The following SCARB2 variants were observed in gnomAD, a reference collection of about 807,000 sequenced individuals.
SCARB2 encodes the protein scavenger receptor class B member 2, also known as lysosome membrane protein 2.
Under a neutral mutation model 58.6 loss-of-function variants are expected in SCARB2, and 29 were observed. The observed-to-expected ratio is 0.49, with a 90% confidence interval of 0.37 to 0.67. The LOEUF is 0.67. SCARB2 is among the 30% of genes least tolerant of loss of function. The pLI, the probability that SCARB2 is intolerant of heterozygous loss-of-function variation, is 0.00. For missense variants in SCARB2, 488 were observed against 578.5 expected (o/e 0.84, Z 1.60); for synonymous variants, 195 against 210.1 (o/e 0.93, Z 0.62).
intron 4 of SCARB2, 43 bp downstream of exon 4, chr4:76,179,474 T>C (rs748892779): frequency 6.7e-5 from 96 of 1,436,026 alleles, no homozygotes; most frequent in Admixed American, 2.0e-4. Context: ...CCCAACCCAC[T>C]GTCAGCTAAA....
chr4:76,210,486 C>T (rs1733022691), intron 1 of SCARB2, among the ~76,000 whole-genome samples: 1 of 152,206 alleles, frequency 6.6e-6, no homozygotes, highest in Non-Finnish European at 1.5e-5. Context: ...TCCTGCCTTT[C>T]CAGGCCTAAG....
chr4:76,176,197 G>A, intron 5 of SCARB2: 1 of 601,872 alleles, frequency 1.7e-6, no homozygotes, highest in South Asian at 2.0e-5. Flanking sequence ...GCAAGAGTGG[G>A]ACTTTTCACT....
intron 1 of SCARB2, among the ~76,000 whole-genome samples, chr4:76,200,402 A>AGG (rs1732806345): frequency 6.6e-6 from 1 of 152,248 alleles, no homozygotes; most frequent in African/African-American, 2.4e-5. Flanking sequence ...CACTACCACT[A>AGG]AAACAAAATA....
intron 6 of SCARB2, chr4:76,175,073 G>GT (rs111861987): frequency 0.22 from 34,017 of 152,418 alleles, 4,631 homozygotes; most frequent in African/African-American, 0.39. Flanking sequence ...TCGCAAGGTT[G>GT]TGAATAACAT....
At chr4:76,163,933 A>G (rs1731949384) in intron 10 of SCARB2, 1 of 158,490 alleles carries the variant, frequency 6.3e-6, no homozygotes, top group Admixed American at 6.1e-5. Flanking sequence ...GGCTGATTAA[A>G]TGAATAAATA....
intron 1 of SCARB2, among the ~76,000 whole-genome samples, chr4:76,219,959 A>G (rs1422543873): frequency 6.6e-6 from 1 of 152,212 alleles, no homozygotes; most frequent in Non-Finnish European, 1.5e-5. Context: ...TTCATAAATA[A>G]ATACTGTTTC....
chr4:76,204,457 G>C (rs916785467), intron 1 of SCARB2, among the ~76,000 whole-genome samples: 3 of 152,086 alleles, frequency 2.0e-5, no homozygotes, highest in African/African-American at 7.2e-5. Flanking sequence ...ATTACATACA[G>C]GACAATATGG....
intron 4 of SCARB2, chr4:76,177,021 CT>C (rs80216071): frequency 0.22 from 34,183 of 152,772 alleles, 4,701 homozygotes; most frequent in African/African-American, 0.39. Flanking sequence ...TCTGGCAACC[CT>C]AACTGATACA....
rs2109948665 is a variant in SCARB2 at position 76,181,005 on chromosome 4, A to C, written c.372T>G (p.Ser124=). ...NKAYVFERDQ[S]VGDPKIDLIR... is the part of the protein sequence containing the mutation. ...TTAAGTCAATTTTAGGGTCTCCAAC[A>C]GATTGGTCTCGTTCAAAAACATAGG... The change falls in exon 3 of 12, where the codon TCT becomes TCG. Residue 124 remains serine, a synonymous_variant. Transcript: ENST00000264896. 1 of 1,613,760 alleles carries C rather than the reference A, an allele frequency of 6.2e-7. No homozygotes were observed. The highest frequency in any genetic ancestry group is 8.5e-7 in the Non-Finnish European group (1 of 1,179,844).
intron 2 of SCARB2, chr4:76,194,835 A>G (rs1732678559): frequency 6.6e-6 from 1 of 152,116 alleles, no homozygotes; most frequent in South Asian, 2.1e-4. Context: ...GTCTCCCTCT[A>G]CTAATCGTTT....
At chr4:76,165,129 C>T (rs1731975310) in intron 10 of SCARB2, 1 of 152,152 alleles carries the variant, frequency 6.6e-6, no homozygotes, top group South Asian at 2.1e-4. Flanking sequence ...CAGAAAAGGG[C>T]CCTTCTGCAT....
At chr4:76,197,074 G>C (rs1476946013) in intron 1 of SCARB2, among the ~76,000 whole-genome samples, 1 of 152,188 alleles carries the variant, frequency 6.6e-6, no homozygotes, top group Non-Finnish European at 1.5e-5. Flanking sequence ...TACAAGCCAA[G>C]AAGACAGGCC....
intron 6 of SCARB2, 128 bp from the exon 7 acceptor site, chr4:76,174,441 G>T (rs1180801536): frequency 3.8e-6 from 3 of 786,484 alleles, no homozygotes; most frequent in Non-Finnish European, 6.6e-6. Flanking sequence ...AGAAAGGAAT[G>T]TTTGGAAGGC....
chr4:76,229,510 A>G (rs1733457030), intron 1 of SCARB2, among the ~76,000 whole-genome samples: 1 of 152,206 alleles, frequency 6.6e-6, no homozygotes, highest in Non-Finnish European at 1.5e-5. Context: ...GCCGCTGTTC[A>G]GATTCTTTTG....
chr4:76,206,963 A>C (rs1284148720), intron 1 of SCARB2, among the ~76,000 whole-genome samples: 1 of 152,168 alleles, frequency 6.6e-6, no homozygotes, highest in African/African-American at 2.4e-5. Context: ...AAACATTAAC[A>C]AGATAGCTTC....
At chr4:76,164,479 AC>A (rs766723522) in intron 10 of SCARB2, 9 of 152,266 alleles carry the variant, frequency 5.9e-5, no homozygotes, top group Non-Finnish European at 1.2e-4. Flanking sequence ...TGCTAAAAAT[AC>A]AAAAATTAGC....
chr4:76,221,278 T>C (rs991532611), intron 1 of SCARB2, among the ~76,000 whole-genome samples: 1 of 151,604 alleles, frequency 6.6e-6, no homozygotes, highest in African/African-American at 2.4e-5. Context: ...GCCTGGGGAG[T>C]TTTTCTTTTC....
chr4:76,162,846 G>A (rs889792796), intron 11 of SCARB2: 57 of 406,958 alleles, frequency 1.4e-4, no homozygotes, highest in African/African-American at 9.0e-4. Flanking sequence ...TTCTAGGGTC[G>A]TATAGCTGTT....
chr4:76,161,680 TCACA>T lies in SCARB2; in HGVS notation c.*29_*32del. On this transcript the variant is annotated 3_prime_UTR_variant, in exon 12 of 12. Transcript: ENST00000264896. ...ACGTCATCGTCCAGGTCAGGACAGC[TCACA>T]CAGTTTCTTCACCAAGCAAAGGCAA... 1 of 1,612,840 alleles carries T rather than the reference TCACA, an allele frequency of 6.2e-7. No homozygotes were observed. Among genetic ancestry groups the T allele is most frequent in the Non-Finnish European group, 8.5e-7 (1 of 1,178,838 alleles).
Sources: allele counts gnomAD v4.1 joint callset (sites outside exome capture counted in the v4.1 genomes callset), GRCh38; gene constraint gnomAD v4.1.1; transcripts MANE v1.5; gene names NCBI Gene and HGNC (gene_info 2026-07-23, HGNC 2026-07-21).